Variants in TMEM108 observed in about 807,000 individuals in gnomAD.
TMEM108 encodes the protein transmembrane protein 108, also known as cancer/testis antigen 124.
Under a neutral mutation model 35.1 loss-of-function variants are expected in TMEM108, and 12 were observed. That is an observed-to-expected ratio of 0.34 (90% confidence interval 0.22 to 0.55). The LOEUF (loss-of-function observed/expected upper bound fraction) is 0.55, where lower values mean the gene tolerates loss of function less well. Among genes scored for constraint, TMEM108 ranks in the 20% least tolerant of loss-of-function variants. The pLI is 0.89. For synonymous variants in TMEM108, 287 were observed against 308.6 expected (o/e 0.93, Z 0.73); for missense variants, 680 against 753.3 (o/e 0.90, Z 1.14).
chr3:133,039,146 T>C (rs1375954689), intron 1 of TMEM108, among the ~76,000 whole-genome samples: 1 of 152,088 alleles, frequency 6.6e-6, no homozygotes, highest in Non-Finnish European at 1.5e-5. Context: ...AATGAAAGTC[T>C]ACAAAAACCA....
intron 1 of TMEM108, among the ~76,000 whole-genome samples, chr3:133,042,058 C>T (rs568068937): frequency 6.6e-6 from 1 of 152,274 alleles, no homozygotes; most frequent in East Asian, 1.9e-4. Context: ...CAGCCCCAAA[C>T]TTGTGCTTTG....
At chr3:133,054,030 G>T (rs1943436123) in intron 2 of TMEM108, among the ~76,000 whole-genome samples, 1 of 152,158 alleles carries the variant, frequency 6.6e-6, no homozygotes, top group Non-Finnish European at 1.5e-5. Flanking sequence ...CTTTAGTAAG[G>T]GCTATGGGCC....
chr3:133,142,756 G>A (rs1944659015), intron 2 of TMEM108, among the ~76,000 whole-genome samples: 1 of 152,140 alleles, frequency 6.6e-6, no homozygotes, highest in African/African-American at 2.4e-5. Context: ...TACTTGATAA[G>A]GCTGTTAGTG....
chr3:133,322,122 A>G (rs2071274606), intron 3 of TMEM108, among the ~76,000 whole-genome samples: 1 of 152,170 alleles, frequency 6.6e-6, no homozygotes, highest in Non-Finnish European at 1.5e-5. Context: ...TCAAGGTACT[A>G]GAGAAACAAC....
chr3:133,095,025 A>C (rs904131391), intron 2 of TMEM108, among the ~76,000 whole-genome samples: 2 of 152,212 alleles, frequency 1.3e-5, no homozygotes, highest in Non-Finnish European at 1.5e-5. Flanking sequence ...TATGCCATTC[A>C]CTAGTAGACC....
At chr3:133,209,007 C>T (rs112473081) in intron 2 of TMEM108, among the ~76,000 whole-genome samples, 2,290 of 152,156 alleles carry the variant, frequency 0.015, 76 homozygotes, top group African/African-American at 0.051. Context: ...GCAGTATAGA[C>T]GTTGTACCCA....
intron 3 of TMEM108, among the ~76,000 whole-genome samples, chr3:133,279,439 G>A (rs767609226): frequency 3.3e-5 from 5 of 152,176 alleles, no homozygotes; most frequent in East Asian, 1.9e-4. Context: ...CTTTGCTGCC[G>A]GAAGTGGCAG....
At chr3:133,240,569 A>G (rs1946298530) in intron 3 of TMEM108, among the ~76,000 whole-genome samples, 1 of 152,240 alleles carries the variant, frequency 6.6e-6, no homozygotes, top group African/African-American at 2.4e-5. Flanking sequence ...TGATTTATGT[A>G]AATTCAAATG....
At chr3:133,276,932 G>A (rs1406998024) in intron 3 of TMEM108, among the ~76,000 whole-genome samples, 1 of 152,150 alleles carries the variant, frequency 6.6e-6, no homozygotes, top group South Asian at 2.1e-4. Flanking sequence ...ACAGACTATG[G>A]AGAGGATGAC....
intron 2 of TMEM108, among the ~76,000 whole-genome samples, chr3:133,049,349 G>C (rs1228845679): frequency 1.3e-5 from 2 of 152,138 alleles, no homozygotes; most frequent in African/African-American, 4.8e-5. Flanking sequence ...CAAGTGCTCT[G>C]TACCCACTTG....
At chr3:133,279,308 G>A (rs772290555) in intron 3 of TMEM108, among the ~76,000 whole-genome samples, 23 of 152,152 alleles carry the variant, frequency 1.5e-4, no homozygotes, top group Non-Finnish European at 2.6e-4. Flanking sequence ...CCTGCTTTCT[G>A]TCTGGGTCTG....
At chr3:133,348,192 A>T (rs1212758559) in intron 3 of TMEM108, among the ~76,000 whole-genome samples, 1 of 152,120 alleles carries the variant, frequency 6.6e-6, no homozygotes, top group Non-Finnish European at 1.5e-5. Flanking sequence ...TGTATTACAA[A>T]TATAAGAGAA....
intron 2 of TMEM108, among the ~76,000 whole-genome samples, chr3:133,165,494 A>AG (rs1945023618): frequency 6.6e-6 from 1 of 152,208 alleles, no homozygotes; most frequent in African/African-American, 2.4e-5. Flanking sequence ...TGGTAAGTGG[A>AG]GAAAAAAAAA....
At chr3:133,174,240 C>T (rs1945175882) in intron 2 of TMEM108, among the ~76,000 whole-genome samples, 1 of 152,258 alleles carries the variant, frequency 6.6e-6, no homozygotes, top group South Asian at 2.1e-4. Context: ...CTGTAGACTC[C>T]ACGTCTGGGG....
chr3:133,325,766 AGT>A (rs1312680899), intron 3 of TMEM108, among the ~76,000 whole-genome samples: 1 of 150,730 alleles, frequency 6.6e-6, no homozygotes, highest in African/African-American at 2.4e-5. Flanking sequence ...ATAATTTTTA[AGT>A]GTGTATATGT....
At chr3:133,324,622 G>T (rs1303175959) in intron 3 of TMEM108, among the ~76,000 whole-genome samples, 3 of 152,146 alleles carry the variant, frequency 2.0e-5, no homozygotes, top group Non-Finnish European at 2.9e-5. Context: ...ATTCCTCAAA[G>T]AACTAAAAGT....
At chr3:133,259,023 C>T (rs77732950) in intron 3 of TMEM108, among the ~76,000 whole-genome samples, 1,909 of 152,278 alleles carry the variant, frequency 0.013, 16 homozygotes, top group South Asian at 0.024. Context: ...CTCAGACTGT[C>T]CTGATGGGTA....
intron 3 of TMEM108, among the ~76,000 whole-genome samples, chr3:133,239,889 T>C (rs1174072600): frequency 3.3e-5 from 5 of 152,196 alleles, no homozygotes; most frequent in African/African-American, 4.8e-5. Flanking sequence ...GCAGAATTCC[T>C]CTCAAGTGTT....
intron 3 of TMEM108, among the ~76,000 whole-genome samples, chr3:133,249,812 A>G (rs1262069043): frequency 6.6e-6 from 1 of 152,140 alleles, no homozygotes; most frequent in African/African-American, 2.4e-5. Flanking sequence ...TGGTGAATAA[A>G]TTTTCACTAC....
Sources: gnomAD v4.1 joint callset for allele counts (sites outside exome capture counted in the v4.1 genomes callset) on GRCh38, gnomAD v4.1.1 for gene constraint, MANE v1.5 for transcripts, NCBI Gene and HGNC (gene_info 2026-07-23, HGNC 2026-07-21) for gene names.